The following CELF6 variants were observed in gnomAD, a reference collection of about 807,000 sequenced individuals.
CELF6 encodes Bruno -like 6, RNA binding protein.
Under a neutral mutation model 53.1 loss-of-function variants are expected in CELF6, and 32 were observed. That is an observed-to-expected ratio of 0.60 (90% confidence interval 0.46 to 0.81). The LOEUF (loss-of-function observed/expected upper bound fraction) is 0.81, where lower values mean the gene tolerates loss of function less well. Ranked by LOEUF, CELF6 falls within the 30% of genes least tolerant of loss-of-function variation. The pLI is 0.00. For synonymous variants in CELF6, 291 were observed against 288.8 expected (o/e 1.01, Z -0.08); for missense variants, 539 against 669.5 (o/e 0.81, Z 2.15).
chr15:72,304,346 G>A (rs568490152), intron 3 of CELF6, among the ~76,000 whole-genome samples: 11 of 152,270 alleles, frequency 7.2e-5, no homozygotes, highest in East Asian at 3.9e-4. Flanking sequence ...GCCTCAATCC[G>A]AAACGGACTG....
intron 3 of CELF6, among the ~76,000 whole-genome samples, chr15:72,301,970 C>T (rs574547263): frequency 5.4e-4 from 82 of 152,070 alleles, no homozygotes; most frequent in African/African-American, 1.7e-3. Context: ...CTCCTGACCT[C>T]GTGATCCGCC....
rs2087975491 is a variant in CELF6, at chr15:72,289,579, C to T, written c.747+48G>A. ...GCTGCCCGTGCTCTCAGCCCCAGGCCTGGCCCACCCACCTGCGCGCCCTCG... is the reference window on the plus strand; with the variant it reads ...GCTGCCCGTGCTCTCAGCCCCAGGCTTGGCCCACCCACCTGCGCGCCCTCG... On this transcript the variant is annotated intron_variant, in intron 6 of 12. Transcript: ENST00000287202. This position sits in a 1 kb window ranked among gnomAD's most constrained non-coding sequence, Gnocchi z 7.6. The T allele has an allele frequency of 1.4e-6, 2 of 1,476,110 alleles. No homozygotes were observed. Among genetic ancestry groups the T allele is most frequent in the South Asian group, 1.3e-5 (1 of 76,054 alleles). The allele number at this position is 1,476,110 out of a possible 1,614,324, so 91.4% of individuals were successfully genotyped here.
intron 1 of CELF6, among the ~76,000 whole-genome samples, chr15:72,317,356 A>G (rs1164069329): frequency 6.6e-6 from 1 of 152,220 alleles, no homozygotes; most frequent in African/African-American, 2.4e-5. Context: ...TCAGCAGATT[A>G]GAAAGGCAAA....
intron 3 of CELF6, among the ~76,000 whole-genome samples, chr15:72,291,845 T>A (rs565879144): frequency 1.1e-3 from 171 of 152,280 alleles, no homozygotes; most frequent in African/African-American, 4.0e-3. Flanking sequence ...TACCATCCGA[T>A]GATCCTTGGA....
chr15:72,317,237 G>T (rs2088374387), intron 1 of CELF6, among the ~76,000 whole-genome samples: 1 of 152,154 alleles, frequency 6.6e-6, no homozygotes, highest in African/African-American at 2.4e-5. Flanking sequence ...GAGATGATAA[G>T]ATCTGTTTTC....
Position 72,288,657 on chromosome 15 carries a change from G to A in CELF6, c.1094-39C>T, listed in dbSNP as rs140846344. 73 of 1,539,856 alleles carry A rather than the reference G, an allele frequency of 4.7e-5. No individual in the cohort carries two copies. The African/African-American group carries it at 8.8e-4, about 18-fold the overall frequency. On this transcript the variant is annotated intron_variant, in intron 9 of 12. Transcript: ENST00000287202. The surrounding 1 kb of genome is among the most constrained non-coding windows in gnomAD (Gnocchi z 4.6). ...TGGGAGTGGACAGTGATCCCCAGGA[G>A]CCCTTCCCCAAGCAGGGCCCCAACT...
intron 3 of CELF6, among the ~76,000 whole-genome samples, chr15:72,303,532 G>A (rs2088184185): frequency 1.3e-5 from 2 of 152,224 alleles, no homozygotes; most frequent in African/African-American, 4.8e-5. Flanking sequence ...AAGTCTGAGA[G>A]GGGTACAGAA....
chr15:72,302,371 C>T (rs2959933), intron 3 of CELF6, among the ~76,000 whole-genome samples: 4,821 of 152,270 alleles, frequency 0.032, 153 homozygotes, highest in African/African-American at 0.076. Flanking sequence ...ATCTGTGTAA[C>T]ACAACTGCTA....
Position 72,319,976 on chromosome 15 carries a change from C to T in CELF6, c.-102G>A, listed in dbSNP as rs1480971016. 3 of 1,128,802 alleles carry T rather than the reference C, an allele frequency of 2.7e-6. No individual in the cohort carries two copies. The highest frequency in any genetic ancestry group is 2.2e-6 in the Non-Finnish European group (2 of 906,902). The allele number at this position is 1,128,802 out of a possible 1,614,324, so 69.9% of individuals were successfully genotyped here. A position where few individuals can be genotyped will look rare whatever the true frequency, so the allele number is the denominator to read the frequency against. ...AGGGCCAGGGGGAGGGGGCGGAGCC[C>T]GGGCGGAGAGGGCGGGGGGCTGCCC... On this transcript the variant is annotated 5_prime_UTR_variant, in exon 1 of 13. Coordinates refer to ENST00000287202, the MANE Select transcript of CELF6 (RefSeq NM_052840.5). This position sits in a 1 kb window ranked among gnomAD's most constrained non-coding sequence, Gnocchi z 5.0.
At position 72,304,746 on chromosome 15, in the gene CELF6, C is replaced by T; in HGVS notation, c.394G>A (p.Glu132Lys). ...VKPAASEGRG[E>K]DRKLFVGMLG... Reference sequence around the variant, plus strand: ...GAGGTTGGTCAGACAGGGAAGTTACCTCCTCGGCCCTCACTGGCAGCTGGC... The same window carrying T: ...GAGGTTGGTCAGACAGGGAAGTTACTTCCTCGGCCCTCACTGGCAGCTGGC... Residue 132 changes from glutamate (E) to lysine (K), a missense_variant and splice_region_variant, in exon 3 of 13, where the codon GAG (glutamate) becomes AAG (lysine). By Grantham distance (56) the Glu-to-Lys change is moderately conservative (BLOSUM62 1). Around this residue, in one of 3 missense-constraint regions of CELF6, gnomAD observed 97 missense variants for 168.8 expected, o/e 0.57. Coordinates refer to ENST00000287202, the MANE Select transcript of CELF6 (RefSeq NM_052840.5). 6.2e-7 allele frequency: 1 copy of T among 1,614,118 alleles called. No homozygotes were observed. Among genetic ancestry groups the T allele is most frequent in the Non-Finnish European group, 8.5e-7 (1 of 1,179,980 alleles).
At chr15:72,314,298 G>A (rs1206605463) in intron 2 of CELF6, among the ~76,000 whole-genome samples, 1 of 152,076 alleles carries the variant, frequency 6.6e-6, no homozygotes, top group Non-Finnish European at 1.5e-5. Flanking sequence ...TAACTGATCC[G>A]AATCTTGCCT....
intron 3 of CELF6, among the ~76,000 whole-genome samples, chr15:72,300,370 A>G (rs1309938078): frequency 6.6e-6 from 1 of 151,932 alleles, no homozygotes; most frequent in Non-Finnish European, 1.5e-5. Context: ...CTAAAAAAAA[A>G]AAAAAAAGTA....
intron 3 of CELF6, among the ~76,000 whole-genome samples, chr15:72,296,383 C>T (rs2088077719): frequency 6.6e-6 from 1 of 152,068 alleles, no homozygotes; most frequent in Admixed American, 6.5e-5. Context: ...GGACTGACTA[C>T]ATCAAAATTA....
intron 1 of CELF6, among the ~76,000 whole-genome samples, chr15:72,318,039 T>C (rs1032832329): frequency 6.6e-6 from 1 of 152,196 alleles, no homozygotes; most frequent in African/African-American, 2.4e-5. Flanking sequence ...TTCTATACAC[T>C]TCCCTTATTG....
chr15:72,292,016 C>G (rs115172174), intron 3 of CELF6, among the ~76,000 whole-genome samples: 2 of 152,138 alleles, frequency 1.3e-5, no homozygotes, highest in East Asian at 3.9e-4. Flanking sequence ...GTTTCCCAAC[C>G]TTTTGAAAAA....
intron 2 of CELF6, among the ~76,000 whole-genome samples, chr15:72,310,472 C>T (rs1033510290): frequency 6.6e-6 from 1 of 151,960 alleles, no homozygotes; most frequent in Non-Finnish European, 1.5e-5. Context: ...AGCAACACTG[C>T]ACTAAAGGGT....
intron 3 of CELF6, among the ~76,000 whole-genome samples, chr15:72,293,505 A>G (rs1477832061): frequency 6.6e-6 from 1 of 152,200 alleles, no homozygotes; most frequent in Non-Finnish European, 1.5e-5. Flanking sequence ...AAAGTATCCC[A>G]TGAGTGGTGG....
chr15:72,297,464 C>T (rs1378337172), intron 3 of CELF6, among the ~76,000 whole-genome samples: 1 of 152,218 alleles, frequency 6.6e-6, no homozygotes, highest in Non-Finnish European at 1.5e-5. Context: ...TTCATAACAA[C>T]ATTAGTTACA....
At chr15:72,308,092 G>C (rs766545085) in intron 2 of CELF6, among the ~76,000 whole-genome samples, 3 of 152,168 alleles carry the variant, frequency 2.0e-5, no homozygotes, top group Non-Finnish European at 2.9e-5. Context: ...TCTACCACTT[G>C]CTTCTCTAAG....
Sources: gnomAD v4.1 joint callset for allele counts (sites outside exome capture counted in the v4.1 genomes callset) on GRCh38, gnomAD v4.1.1 for gene constraint, gnomAD v4.1.1 regional missense constraint, Gnocchi (gnomAD v3.1) non-coding constraint, MANE v1.5 for transcripts, NCBI Gene and HGNC (gene_info 2026-07-23, HGNC 2026-07-21) for gene names.